The following CTNNA3 variants were observed in gnomAD, a reference collection of about 807,000 sequenced individuals.
CTNNA3 encodes the protein catenin alpha 3, also known as catenin alpha-3.
In CTNNA3, 76 loss-of-function variants were observed where a neutral mutation model predicts 95.7. The observed-to-expected ratio is 0.79, with a 90% confidence interval of 0.66 to 0.96. CTNNA3 has a LOEUF of 0.96. CTNNA3 is among the 40% of genes least tolerant of loss of function. The pLI is 0.00. For synonymous variants in CTNNA3, 431 were observed against 374.4 expected, an observed-to-expected ratio of 1.15 and a Z score of -1.74; for missense variants, 1,191 against 1,089.8, an observed-to-expected ratio of 1.09 and a Z score of -1.31.
chr10:67,483,092 G>A (rs895389502), intron 5 of CTNNA3, among the ~76,000 whole-genome samples: 4 of 151,880 alleles, frequency 2.6e-5, no homozygotes, highest in Non-Finnish European at 5.9e-5. Context: ...AGTTAGAATG[G>A]CAATCATTAA....
chr10:67,681,462 A>G (rs1319853981), intron 1 of CTNNA3, among the ~76,000 whole-genome samples: 2 of 152,144 alleles, frequency 1.3e-5, no homozygotes, highest in Non-Finnish European at 2.9e-5. Context: ...CTGAATAAAC[A>G]TTTAGGAGAA....
chr10:67,189,142 C>A (rs866092242), intron 6 of CTNNA3, among the ~76,000 whole-genome samples: 3,397 of 138,856 alleles, frequency 0.024, 86 homozygotes, highest in African/African-American at 0.072. Context: ...ACAACAACAA[C>A]AAAAAAAAAA....
At chr10:66,496,292 A>T (rs75244769) in intron 11 of CTNNA3, among the ~76,000 whole-genome samples, 5,537 of 152,128 alleles carry the variant, frequency 0.036, 362 homozygotes, top group African/African-American at 0.13. Context: ...AATAGGTGTC[A>T]TAAGGAAATG....
intron 7 of CTNNA3, among the ~76,000 whole-genome samples, chr10:66,860,991 G>C (rs1006704026): frequency 6.6e-6 from 1 of 152,132 alleles, no homozygotes; most frequent in African/African-American, 2.4e-5. Flanking sequence ...CCTCTCTCAT[G>C]GGGGAGGCCA....
chr10:67,096,575 G>A (rs544177169), intron 7 of CTNNA3, among the ~76,000 whole-genome samples: 69 of 151,962 alleles, frequency 4.5e-4, no homozygotes, highest in Admixed American at 2.2e-3. Flanking sequence ...GATCAGGACT[G>A]AAGGTTCCTG....
intron 7 of CTNNA3, among the ~76,000 whole-genome samples, chr10:66,913,238 C>CTAAAAAAAA (rs1846305946): frequency 3.0e-5 from 1 of 33,530 alleles, no homozygotes; most frequent in Non-Finnish European, 5.0e-5. Context: ...GACTCCGTCT[C>CTAAAAAAAA]AAAAAAAAAA....
chr10:67,664,643 A>T, intron 1 of CTNNA3, among the ~76,000 whole-genome samples: 1 of 152,014 alleles, frequency 6.6e-6, no homozygotes, highest in East Asian at 1.9e-4. Flanking sequence ...TTCACTCCAC[A>T]TTTAATTTAT....
At chr10:66,235,685 A>G (rs2132023488) in intron 13 of CTNNA3, among the ~76,000 whole-genome samples, 1 of 152,278 alleles carries the variant, frequency 6.6e-6, no homozygotes, top group Admixed American at 6.5e-5. Context: ...GCAAGTAAAT[A>G]AGAAAATAGA....
chr10:67,541,347 A>T (rs905674067), intron 3 of CTNNA3, among the ~76,000 whole-genome samples: 2 of 151,988 alleles, frequency 1.3e-5, no homozygotes, highest in African/African-American at 4.8e-5. Context: ...CCTTAACATA[A>T]AGAAAACTGA....
At chr10:66,845,725 A>AAAAAAAAAAAAAAAAAAAC (rs1160996707) in intron 7 of CTNNA3, among the ~76,000 whole-genome samples, 3 of 100,340 alleles carry the variant, frequency 3.0e-5, no homozygotes, top group Non-Finnish European at 6.4e-5. Flanking sequence ...AAAAAAAAAA[A>AAAAAAAAAAAAAAAAAAAC]AAAACTAAAA....
chr10:65,989,043 C>A (rs992682407), intron 15 of CTNNA3, among the ~76,000 whole-genome samples: 2 of 152,060 alleles, frequency 1.3e-5, no homozygotes, highest in African/African-American at 4.8e-5. Context: ...CGGGTTCAAG[C>A]GATTCTCCAG....
intron 13 of CTNNA3, among the ~76,000 whole-genome samples, chr10:66,142,713 C>T (rs1232374123): frequency 6.6e-6 from 1 of 152,002 alleles, no homozygotes; most frequent in Non-Finnish European, 1.5e-5. Flanking sequence ...TGATATATTT[C>T]AAAGACATTT....
chr10:67,246,111 T>C (rs932660687), intron 5 of CTNNA3, among the ~76,000 whole-genome samples: 4 of 152,212 alleles, frequency 2.6e-5, no homozygotes, highest in Non-Finnish European at 4.4e-5. Context: ...TGCGTATGAC[T>C]GCCAATTAGA....
At chr10:66,367,864 TAATAATAATAATA>T (rs2092721980) in intron 12 of CTNNA3, among the ~76,000 whole-genome samples, 8 of 52,582 alleles carry the variant, frequency 1.5e-4, no homozygotes, top group Non-Finnish European at 3.0e-4. Context: ...ATAATAATAA[TAATAATAATAATA>T]ATAATTATTA....
At chr10:66,047,661 A>G (rs2079856757) in intron 15 of CTNNA3, among the ~76,000 whole-genome samples, 1 of 152,196 alleles carries the variant, frequency 6.6e-6, no homozygotes, top group Non-Finnish European at 1.5e-5. Flanking sequence ...AATAAAGGGC[A>G]CCCAAATAGG....
chr10:67,221,635 C>T lies in CTNNA3; in HGVS notation c.580-1765G>A, dbSNP rs60203875. Among the ~76,000 whole-genome samples, 994 of 152,098 alleles carry T rather than the reference C, an allele frequency of 6.5e-3. 4 individuals carry two copies. The highest frequency in any genetic ancestry group is 0.023 in the African/African-American group (964 of 41,498). Reference sequence around the variant, plus strand: ...TGTCGCCGAGGCTGGAGTACAGTGGCGCGATCTAGGCTCACTGCAAGCTCC... The same window carrying T: ...TGTCGCCGAGGCTGGAGTACAGTGGTGCGATCTAGGCTCACTGCAAGCTCC... On this transcript the variant is annotated intron_variant, in intron 5 of 17. Coordinates refer to ENST00000433211, the MANE Select transcript of CTNNA3 (RefSeq NM_013266.4).
At chr10:67,711,787 T>C (rs2133611594) in intron 1 of CTNNA3, among the ~76,000 whole-genome samples, 2 of 135,816 alleles carry the variant, frequency 1.5e-5, no homozygotes, top group South Asian at 4.6e-4. Flanking sequence ...CCTGTGTCCA[T>C]GTGATCTCGT....
At chr10:67,241,596 T>C (rs922505376) in intron 5 of CTNNA3, among the ~76,000 whole-genome samples, 3 of 152,342 alleles carry the variant, frequency 2.0e-5, no homozygotes, top group Non-Finnish European at 2.9e-5. Context: ...CTGAACATTA[T>C]GGTGCATCTC....
intron 13 of CTNNA3, 143 bp downstream of exon 13, chr10:66,280,327 G>A: frequency 1.5e-6 from 1 of 664,856 alleles, no homozygotes; most frequent in Non-Finnish European, 2.5e-6. Flanking sequence ...CTGACTTTGG[G>A]GATACATATG....
Sources: allele counts gnomAD v4.1 joint callset (sites outside exome capture counted in the v4.1 genomes callset), GRCh38; gene constraint gnomAD v4.1.1; transcripts MANE v1.5; gene names NCBI Gene and HGNC (gene_info 2026-07-23, HGNC 2026-07-21).